Variants in CFAP54 observed in about 807,000 individuals in gnomAD.
The protein encoded by CFAP54 is cilia- and flagella-associated protein 54.
Under a neutral mutation model 370.4 loss-of-function variants are expected in CFAP54, and 290 were observed. That is an observed-to-expected ratio of 0.78 (90% CI 0.71 to 0.86). CFAP54 has a LOEUF of 0.86. Ranked by LOEUF, CFAP54 falls within the 40% of genes least tolerant of loss-of-function variation. CFAP54 has a pLI of 0.00. For synonymous variants in CFAP54, 1,206 were observed against 1,236.5 expected (o/e 0.98, Z 0.52); for missense variants, 3,399 against 3,528.7 (o/e 0.96, Z 0.93).
intron 27 of CFAP54, among the ~76,000 whole-genome samples, chr12:96,622,196 A>G (rs1478579944): frequency 2.0e-5 from 3 of 151,906 alleles, no homozygotes; most frequent in African/African-American, 2.4e-5. Context: ...AATTTTTGAG[A>G]TTAACTTTTA....
At chr12:96,647,500 A>AAAAAAAAAAAAAAAC (rs1565927578) in intron 33 of CFAP54, among the ~76,000 whole-genome samples, 7 of 145,214 alleles carry the variant, frequency 4.8e-5, no homozygotes, top group South Asian at 2.3e-4. Context: ...AAAAAAAGAA[A>AAAAAAAAAAAAAAAC]TGCCATTGAT....
chr12:96,856,850 C>T (rs1002215103), intron 66 of CFAP54, among the ~76,000 whole-genome samples: 15 of 152,158 alleles, frequency 9.9e-5, no homozygotes, highest in African/African-American at 3.6e-4. Context: ...TACAACAGTA[C>T]CCCACTTCTG....
At chr12:96,747,917 A>G (rs1958135611) in intron 55 of CFAP54, among the ~76,000 whole-genome samples, 1 of 152,130 alleles carries the variant, frequency 6.6e-6, no homozygotes, top group African/African-American at 2.4e-5. Context: ...TACTTATTTT[A>G]CTTTAGTTTC....
intron 5 of CFAP54, among the ~76,000 whole-genome samples, chr12:96,515,819 A>G (rs936653263): frequency 6.6e-5 from 10 of 151,194 alleles, no homozygotes; most frequent in African/African-American, 1.5e-4. Context: ...ATGAATGCCT[A>G]CCGTCATCAA....
At chr12:96,612,467 G>A (rs1178845385) in intron 26 of CFAP54, among the ~76,000 whole-genome samples, 3 of 152,184 alleles carry the variant, frequency 2.0e-5, no homozygotes, top group African/African-American at 7.2e-5. Flanking sequence ...ATGCTAGGAA[G>A]AAACTGCATC....
At chr12:96,843,496 G>A (rs1165039636) in intron 66 of CFAP54, among the ~76,000 whole-genome samples, 1 of 152,188 alleles carries the variant, frequency 6.6e-6, no homozygotes, top group Non-Finnish European at 1.5e-5. Flanking sequence ...CAGTGCATAA[G>A]TTGTAGTTGG....
intron 67 of CFAP54, among the ~76,000 whole-genome samples, chr12:96,864,612 T>G (rs1592820852): frequency 6.6e-6 from 1 of 152,158 alleles, no homozygotes; most frequent in South Asian, 2.1e-4. Context: ...AGCAACATCA[T>G]GCAAATCCCT....
intron 66 of CFAP54, among the ~76,000 whole-genome samples, chr12:96,831,826 C>A (rs890937832): frequency 6.6e-6 from 1 of 152,256 alleles, no homozygotes; most frequent in African/African-American, 2.4e-5. Context: ...GAAATTTAAT[C>A]TTTGCTTCAC....
intron 20 of CFAP54, among the ~76,000 whole-genome samples, chr12:96,579,612 A>C (rs1255930302): frequency 3.3e-5 from 5 of 152,026 alleles, no homozygotes; most frequent in African/African-American, 1.2e-4. Flanking sequence ...CTTGCCTTGT[A>C]GTTTAGGAGT....
intron 63 of CFAP54, among the ~76,000 whole-genome samples, chr12:96,810,634 T>C (rs550764983): frequency 6.6e-6 from 1 of 152,264 alleles, no homozygotes; most frequent in Non-Finnish European, 1.5e-5. Context: ...GACCATAGTT[T>C]TTGAATGATC....
At chr12:96,560,023 A>G (rs990341208) in intron 17 of CFAP54, among the ~76,000 whole-genome samples, 1 of 152,154 alleles carries the variant, frequency 6.6e-6, no homozygotes, top group African/African-American at 2.4e-5. Flanking sequence ...GTACATATTT[A>G]TGGGGTACAT....
chr12:96,812,990 C>T (rs7954798), intron 64 of CFAP54, among the ~76,000 whole-genome samples: 59,542 of 151,706 alleles, frequency 0.39, 11,960 homozygotes, highest in East Asian at 0.44. Flanking sequence ...TTCTTCTTTT[C>T]CAAGTGAAAT....
chr12:96,838,396 T>C (rs1368956458), intron 66 of CFAP54, among the ~76,000 whole-genome samples: 3 of 152,134 alleles, frequency 2.0e-5, no homozygotes, highest in Non-Finnish European at 4.4e-5. Context: ...TATTAGTCCA[T>C]TTTGATACTG....
intron 63 of CFAP54, among the ~76,000 whole-genome samples, chr12:96,805,393 A>T (rs980590244): frequency 1.3e-5 from 2 of 152,110 alleles, no homozygotes. Context: ...TCAACAAGAA[A>T]AAAAAACCAT....
intron 49 of CFAP54, among the ~76,000 whole-genome samples, chr12:96,718,845 C>T (rs1162499794): frequency 6.6e-6 from 1 of 152,144 alleles, no homozygotes; most frequent in Non-Finnish European, 1.5e-5. Flanking sequence ...TCAAGACCAG[C>T]CTGACCAACA....
intron 65 of CFAP54, among the ~76,000 whole-genome samples, chr12:96,822,543 A>G (rs1313467314): frequency 6.6e-6 from 1 of 152,152 alleles, no homozygotes; most frequent in Non-Finnish European, 1.5e-5. Flanking sequence ...GAATATACAG[A>G]AATCAATATA....
intron 14 of CFAP54, among the ~76,000 whole-genome samples, chr12:96,546,773 G>A (rs1308676092): frequency 6.6e-6 from 1 of 150,936 alleles, no homozygotes; most frequent in African/African-American, 2.4e-5. Flanking sequence ...AGGTTACAGT[G>A]AGCCGAGATC....
chr12:96,654,911 C>T (rs1428266961), intron 36 of CFAP54, among the ~76,000 whole-genome samples: 2 of 148,512 alleles, frequency 1.3e-5, no homozygotes, highest in African/African-American at 4.9e-5. Context: ...TAATATCCCT[C>T]GTGAACATAG....
At chr12:96,761,524 G>GT (rs34913235) in intron 58 of CFAP54, among the ~76,000 whole-genome samples, 57,142 of 151,286 alleles carry the variant, frequency 0.38, 11,078 homozygotes, top group Middle Eastern at 0.44. Context: ...AGATTGTGGG[G>GT]TTTTTTTTGC....
Sources: allele counts gnomAD v4.1 joint callset (sites outside exome capture counted in the v4.1 genomes callset), GRCh38; gene constraint gnomAD v4.1.1; transcripts MANE v1.5; gene names NCBI Gene and HGNC (gene_info 2026-07-23, HGNC 2026-07-21).